The following GUCY2C variants were observed in gnomAD, a reference collection of about 807,000 sequenced individuals.
GUCY2C encodes the protein guanylyl cyclase C.
A neutral mutation model predicts 131.1 loss-of-function variants in GUCY2C; 118 were observed. That is an observed-to-expected ratio of 0.90 (90% CI 0.78 to 1.05). The LOEUF (loss-of-function observed/expected upper bound fraction) is 1.05, where lower values mean the gene tolerates loss of function less well. GUCY2C is among the 50% of genes least tolerant of loss of function. The probability of loss-of-function intolerance (pLI) is 0.00; values close to 1 mark genes in which losing one functional copy is unlikely to be tolerated. For missense variants in GUCY2C, 1,161 were observed against 1,304.4 expected, an observed-to-expected ratio of 0.89 and a Z score of 1.69; for synonymous variants, 452 against 457.8, an observed-to-expected ratio of 0.99 and a Z score of 0.16.
At chr12:14,648,569 A>C (rs1412222309) in intron 15 of GUCY2C, among the ~76,000 whole-genome samples, 1 of 152,210 alleles carries the variant, frequency 6.6e-6, no homozygotes, top group Non-Finnish European at 1.5e-5. Flanking sequence ...TTGTAACACA[A>C]CAATTATGTA....
intron 1 of GUCY2C, among the ~76,000 whole-genome samples, chr12:14,688,628 G>C: frequency 6.6e-6 from 1 of 152,188 alleles, no homozygotes; most frequent in East Asian, 1.9e-4. Context: ...CCTGCTATGT[G>C]CCAGGCGCTC....
intron 5 of GUCY2C, among the ~76,000 whole-genome samples, chr12:14,680,509 G>A (rs1388822079): frequency 6.6e-6 from 1 of 152,100 alleles, no homozygotes; most frequent in East Asian, 1.9e-4. Context: ...GCTTGATAAT[G>A]GCAATAAATG....
Position 14,643,556 on chromosome 12 carries a change from A to C in GUCY2C, c.1930+18T>G. 1 of 1,612,116 alleles carries C rather than the reference A, an allele frequency of 6.2e-7. No homozygotes were observed. The highest frequency in any genetic ancestry group is 8.5e-7 in the Non-Finnish European group (1 of 1,178,796). Reference sequence around the variant, plus strand: ...AAAATCAGTTAGGAAACTAGTGAACATTTCATTCATTACAGACCCTTTTTT... The same window carrying C: ...AAAATCAGTTAGGAAACTAGTGAACCTTTCATTCATTACAGACCCTTTTTT... On this transcript the variant is annotated intron_variant, in intron 17 of 26. Transcript: ENST00000261170.
At chr12:14,692,395 A>G (rs1427076481) in intron 1 of GUCY2C, among the ~76,000 whole-genome samples, 2 of 152,098 alleles carry the variant, frequency 1.3e-5, no homozygotes, top group African/African-American at 4.8e-5. Context: ...GTTTTCTTTA[A>G]TAAAAATATT....
intron 19 of GUCY2C, among the ~76,000 whole-genome samples, chr12:14,637,544 A>T (rs1342905140): frequency 2.0e-5 from 3 of 152,232 alleles, no homozygotes; most frequent in Non-Finnish European, 2.9e-5. Flanking sequence ...AATGTTCTAT[A>T]AAGTTGCAGT....
At chr12:14,623,504 G>A (rs1350480283) in intron 21 of GUCY2C, among the ~76,000 whole-genome samples, 7 of 152,218 alleles carry the variant, frequency 4.6e-5, no homozygotes, top group Admixed American at 2.0e-4. Flanking sequence ...CCTGTATAAA[G>A]TGCATAGTAT....
In GUCY2C at chr12:14,648,072, C is replaced by T. The variant is rs1053462516; in HGVS notation, c.1711-2757G>A. 4.6e-5 allele frequency among the ~76,000 whole-genome samples: 7 copies of T among 151,848 alleles called. No individual in the cohort carries two copies. In the East Asian group the frequency reaches 1.4e-3, roughly 29 times the overall value. ...ACCTCCCGGGTTCAAGCAATTCTCC[C>T]ACCTCAGCCTCCCAAGTAGCTGGGA... On this transcript the variant is annotated intron_variant, in intron 15 of 26. Coordinates refer to ENST00000261170, the MANE Select transcript of GUCY2C (RefSeq NM_004963.4).
chr12:14,656,722 T>A, intron 11 of GUCY2C, 105 bp from the exon 12 acceptor site: 1 of 582,454 alleles, frequency 1.7e-6, no homozygotes, highest in Non-Finnish European at 3.2e-6. Flanking sequence ...CAGGTAGATA[T>A]GTGTGAGGGA....
chr12:14,661,206 T>C, intron 10 of GUCY2C, 144 bp from the exon 11 acceptor site: 1 of 614,624 alleles, frequency 1.6e-6, no homozygotes, highest in Non-Finnish European at 2.9e-6. Flanking sequence ...TCTGGTAATA[T>C]AAGTCCTGTG....
chr12:14,636,463 A>C (rs1947272567), intron 19 of GUCY2C, among the ~76,000 whole-genome samples: 1 of 152,172 alleles, frequency 6.6e-6, no homozygotes, highest in African/African-American at 2.4e-5. Context: ...ATCTCAACAT[A>C]ATAAAGGCCA....
At chr12:14,661,135 A>G (rs572908866) in intron 10 of GUCY2C, 73 bp from the exon 11 acceptor site, 8 of 935,840 alleles carry the variant, frequency 8.5e-6, no homozygotes, top group Middle Eastern at 2.2e-4. Flanking sequence ...TAGCTGTACA[A>G]TGTAATTTGG....
In GUCY2C at chr12:14,682,902, A is replaced by G. The variant is rs942820700; in HGVS notation, c.611+140T>C. 28 of 613,998 alleles carry G rather than the reference A, an allele frequency of 4.6e-5. 1 individual carries two copies. The highest frequency in any genetic ancestry group is 3.8e-4 in the South Asian group (19 of 49,606). 38.0% of individuals were successfully genotyped at this position (613,998 alleles called of 1,614,324 possible). ...TACTTGGTCCCCTTTGCTTTTATTTATGTGTGAGAAAATGAACTGATGTCT... is the reference window on the plus strand; with the variant it reads ...TACTTGGTCCCCTTTGCTTTTATTTGTGTGTGAGAAAATGAACTGATGTCT... On this transcript the variant is annotated intron_variant, in intron 4 of 26. Coordinates refer to ENST00000261170, the MANE Select transcript of GUCY2C (RefSeq NM_004963.4).
chr12:14,689,386 A>G (rs1379386946), intron 1 of GUCY2C, among the ~76,000 whole-genome samples: 1 of 152,192 alleles, frequency 6.6e-6, no homozygotes, highest in African/African-American at 2.4e-5. Context: ...TGGACATGTC[A>G]GGTGTGAGAT....
At chr12:14,678,669 T>A (rs1948287480) in intron 6 of GUCY2C, among the ~76,000 whole-genome samples, 2 of 152,160 alleles carry the variant, frequency 1.3e-5, no homozygotes, top group South Asian at 2.1e-4. Flanking sequence ...GGTGAAATGA[T>A]CAGGCAAATA....
intron 1 of GUCY2C, among the ~76,000 whole-genome samples, chr12:14,691,731 C>T (rs1948577559): frequency 6.6e-6 from 1 of 152,124 alleles, no homozygotes; most frequent in African/African-American, 2.4e-5. Flanking sequence ...CAAGTAGAAA[C>T]CCTGGCACAG....
intron 15 of GUCY2C, among the ~76,000 whole-genome samples, chr12:14,650,963 A>G (rs941899978): frequency 2.0e-5 from 3 of 152,134 alleles, no homozygotes; most frequent in South Asian, 2.1e-4. Flanking sequence ...GCTCAGTCCA[A>G]ATACCTGACC....
intron 15 of GUCY2C, among the ~76,000 whole-genome samples, chr12:14,645,838 G>T (rs7309721): frequency 0.83 from 123,434 of 148,488 alleles, 55,467 homozygotes; most frequent in East Asian, 0.99. Flanking sequence ...GTTTTTTTTT[G>T]TTTTGTTTTG....
intron 6 of GUCY2C, among the ~76,000 whole-genome samples, chr12:14,679,142 G>T (rs1241367481): frequency 1.3e-5 from 2 of 152,216 alleles, no homozygotes; most frequent in East Asian, 3.8e-4. Flanking sequence ...ACCAGGAACA[G>T]TATTATTGAG....
chr12:14,684,843 T>A (rs921032101), intron 3 of GUCY2C, among the ~76,000 whole-genome samples: 2 of 151,866 alleles, frequency 1.3e-5, no homozygotes, highest in Admixed American at 1.3e-4. Context: ...CTAATTTTTT[T>A]ATTTTTAAAC....
Sources: gnomAD v4.1 joint callset for allele counts (sites outside exome capture counted in the v4.1 genomes callset) on GRCh38, gnomAD v4.1.1 for gene constraint, MANE v1.5 for transcripts, NCBI Gene and HGNC (gene_info 2026-07-23, HGNC 2026-07-21) for gene names.